Variants in AKAP13 observed in about 807,000 individuals in gnomAD.
AKAP13 encodes A-kinase anchor protein 13.
A neutral mutation model predicts 264.5 loss-of-function variants in AKAP13; 80 were observed. The observed-to-expected ratio is 0.30, with a 90% CI of 0.25 to 0.36. The LOEUF (loss-of-function observed/expected upper bound fraction) is 0.36. Ranked by LOEUF, AKAP13 falls within the 10% of genes least tolerant of loss-of-function variation. The pLI, the probability that AKAP13 is intolerant of heterozygous loss-of-function variation, is 1.00. For missense variants in AKAP13, 3,712 were observed against 3,435.2 expected, an observed-to-expected ratio of 1.08 and a Z score of -2.01; for synonymous variants, 1,380 against 1,250.2, an observed-to-expected ratio of 1.10 and a Z score of -2.19.
chr15:85,610,387 G>T (rs1295864440), intron 8 of AKAP13, among the ~76,000 whole-genome samples: 1 of 152,124 alleles, frequency 6.6e-6, no homozygotes, highest in Admixed American at 6.5e-5. Context: ...TCATATTCCT[G>T]ACCAAGACAG....
intron 6 of AKAP13, among the ~76,000 whole-genome samples, chr15:85,577,166 T>C: frequency 6.6e-6 from 1 of 152,238 alleles, no homozygotes; most frequent in East Asian, 1.9e-4. Context: ...TGACACATTT[T>C]ACACTTGTAC....
In AKAP13 at chr15:85,581,115, G is replaced by A. The variant is rs780043899; in HGVS notation, c.3047G>A (p.Ser1016Asn). The A allele has an allele frequency of 7.4e-6, 12 of 1,613,844 alleles. No homozygotes were observed. The highest frequency in any genetic ancestry group is 9.3e-6 in the Non-Finnish European group (11 of 1,179,888). ...SLLTQGGAAQSLVPPGASLAT... is the reference protein window; with the variant it reads ...SLLTQGGAAQNLVPPGASLAT... ...CTGACTCAAGGTGGGGCTGCCCAGA[G>A]CCTGGTGCCACCAGGAGCAAGTCTG... Residue 1016 changes from serine (S) to asparagine (N), a missense_variant, in exon 7 of 37, where the codon AGC (serine) becomes AAC (asparagine). Physicochemically the swap from Ser to Asn is conservative, Grantham distance 46 (BLOSUM62 1). Coordinates refer to ENST00000394518, the MANE Select transcript of AKAP13 (RefSeq NM_007200.5).
chr15:85,634,348 T>TA (rs2151459093), intron 8 of AKAP13, among the ~76,000 whole-genome samples: 1 of 152,344 alleles, frequency 6.6e-6, no homozygotes, highest in South Asian at 2.1e-4. Context: ...AAATATATTT[T>TA]AGAGGTTATT....
intron 1 of AKAP13, among the ~76,000 whole-genome samples, chr15:85,456,533 A>G (rs971798204): frequency 1.0e-4 from 15 of 148,616 alleles, no homozygotes; most frequent in African/African-American, 3.7e-4. Flanking sequence ...CAGTGTTCCC[A>G]GAGTAGCCCA....
At chr15:85,654,786 T>A (rs1195456992) in intron 10 of AKAP13, among the ~76,000 whole-genome samples, 4 of 151,922 alleles carry the variant, frequency 2.6e-5, no homozygotes, top group Non-Finnish European at 5.9e-5. Context: ...ATTTCACCAC[T>A]GCACCCCAGC....
intron 9 of AKAP13, among the ~76,000 whole-genome samples, chr15:85,641,936 A>G (rs944679884): frequency 3.9e-5 from 6 of 152,210 alleles, no homozygotes; most frequent in African/African-American, 1.2e-4. Context: ...GTTTGTTGGC[A>G]TATATGTTGT....
intron 1 of AKAP13, among the ~76,000 whole-genome samples, chr15:85,468,175 C>T (rs1468415234): frequency 6.6e-6 from 1 of 152,154 alleles, no homozygotes; most frequent in Admixed American, 6.5e-5. Flanking sequence ...ATTAAGGCTG[C>T]AAGAAGCTGA....
chr15:85,547,213 T>G (rs1314796571), intron 5 of AKAP13, among the ~76,000 whole-genome samples: 1 of 152,232 alleles, frequency 6.6e-6, no homozygotes, highest in Non-Finnish European at 1.5e-5. Context: ...CATTCTACAC[T>G]TTACTGAAAA....
At chr15:85,448,028 A>G (rs971177274) in intron 1 of AKAP13, among the ~76,000 whole-genome samples, 4 of 152,136 alleles carry the variant, frequency 2.6e-5, no homozygotes, top group African/African-American at 9.7e-5. Context: ...CCTTGCCAGC[A>G]TCTGCTGTTT....
chr15:85,529,130 A>G (rs771804752), intron 3 of AKAP13, among the ~76,000 whole-genome samples: 2 of 152,170 alleles, frequency 1.3e-5, no homozygotes, highest in Non-Finnish European at 2.9e-5. Context: ...GACATTGTTA[A>G]TAACCCTGCA....
intron 11 of AKAP13, among the ~76,000 whole-genome samples, chr15:85,657,840 G>A (rs1168746150): frequency 1.3e-5 from 2 of 151,586 alleles, no homozygotes; most frequent in Non-Finnish European, 2.9e-5. Context: ...AATGATAACA[G>A]CATCAAGGAA....
At chr15:85,482,779 A>G (rs1329940265) in intron 1 of AKAP13, among the ~76,000 whole-genome samples, 2 of 152,146 alleles carry the variant, frequency 1.3e-5, no homozygotes, top group African/African-American at 2.4e-5. Flanking sequence ...ATGCTCTGTA[A>G]ATGTTAGTTT....
chr15:85,541,663 A>G (rs1274201344), intron 4 of AKAP13, among the ~76,000 whole-genome samples: 1 of 152,252 alleles, frequency 6.6e-6, no homozygotes, highest in Non-Finnish European at 1.5e-5. Context: ...TGGGCAAGCT[A>G]TTAATTCTAT....
chr15:85,658,165 T>A (rs1043284547), intron 11 of AKAP13, among the ~76,000 whole-genome samples: 3 of 152,246 alleles, frequency 2.0e-5, no homozygotes, highest in African/African-American at 7.2e-5. Flanking sequence ...AGTGAGGTTT[T>A]AATTAGTTTG....
chr15:85,747,662 A>C lies in AKAP13; in HGVS notation c.*2985A>C, dbSNP rs917608712. On this transcript the variant is annotated 3_prime_UTR_variant, in exon 37 of 37. Coordinates refer to ENST00000394518, the MANE Select transcript of AKAP13 (RefSeq NM_007200.5). Reference sequence around the variant, plus strand: ...CATCGGTTGGCTTCATTTTCAAGACAATCAAATGTATTGACTGTGTTTTCT... The same window carrying C: ...CATCGGTTGGCTTCATTTTCAAGACCATCAAATGTATTGACTGTGTTTTCT... 1.3e-5 allele frequency: 2 copies of C among 152,612 alleles called. No homozygotes were observed. Among genetic ancestry groups the C allele is most frequent in the African/African-American group, 4.8e-5 (2 of 41,438 alleles). The allele number at this position is 152,612 out of a possible 1,614,324, so 9.5% of individuals were successfully genotyped here.
chr15:85,582,175 C>T, intron 7 of AKAP13, 68 bp downstream of exon 7: 1 of 1,478,774 alleles, frequency 6.8e-7, no homozygotes, highest in South Asian at 1.4e-5. Context: ...CTGTGGTGTC[C>T]TGGTAAAAAT....
intron 5 of AKAP13, among the ~76,000 whole-genome samples, chr15:85,544,747 G>A (rs1279012256): frequency 6.6e-6 from 1 of 152,148 alleles, no homozygotes. Flanking sequence ...TATTAGTTTT[G>A]TGGTTATCAT....
rs200548128 is a variant in AKAP13, at chr15:85,708,111, G to C, written c.5532+25G>C. ...GGTAAGACTTTCTGGCTAAAACAAG[G>C]CTTAAAATAAAAGGGTTTAAACCAG... On this transcript the variant is annotated intron_variant, in intron 18 of 36. Coordinates refer to ENST00000394518, the MANE Select transcript of AKAP13 (RefSeq NM_007200.5). The surrounding 1 kb of genome is among the most constrained non-coding windows in gnomAD (Gnocchi z 4.3). 2.5e-6 allele frequency: 4 copies of C among 1,611,440 alleles called. No individual in the cohort carries two copies. Among genetic ancestry groups the C allele is most frequent in the Non-Finnish European group, 3.4e-6 (4 of 1,178,378 alleles).
chr15:85,450,807 G>T (rs889476312), intron 1 of AKAP13, among the ~76,000 whole-genome samples: 1 of 152,176 alleles, frequency 6.6e-6, no homozygotes, highest in African/African-American at 2.4e-5. Flanking sequence ...GTGCCATGTC[G>T]TGATGAGAAG....
Sources: gnomAD v4.1 joint callset for allele counts (sites outside exome capture counted in the v4.1 genomes callset) on GRCh38, gnomAD v4.1.1 for gene constraint, Gnocchi (gnomAD v3.1) non-coding constraint, MANE v1.5 for transcripts, NCBI Gene and HGNC (gene_info 2026-07-23, HGNC 2026-07-21) for gene names.